The following TEX11 variants were observed in gnomAD, a reference collection of about 807,000 sequenced individuals.
TEX11 encodes testis-expressed protein 11.
TEX11 carries 7 observed loss-of-function variants against 84.4 expected under a neutral mutation model. The observed-to-expected ratio is 0.08, with a 90% confidence interval of 0.05 to 0.16. The LOEUF (loss-of-function observed/expected upper bound fraction) is 0.16, where lower values mean the gene tolerates loss of function less well. Ranked by LOEUF, TEX11 falls within the 10% of genes least tolerant of loss-of-function variation. The pLI is 1.00. For synonymous variants in TEX11, 264 were observed against 222.8 expected, an observed-to-expected ratio of 1.18 and a Z score of -1.64; for missense variants, 551 against 660.5, an observed-to-expected ratio of 0.83 and a Z score of 1.82.
intron 15 of TEX11, among the ~76,000 whole-genome samples, chrX:70,678,079 T>A (rs892617854): frequency 9.0e-6 from 1 of 111,303 alleles, no homozygotes; most frequent in Non-Finnish European, 1.9e-5. Context: ...CCCAAATTGC[T>A]GGGATTACAG....
chrX:70,692,459 C>T (rs1163461817), intron 13 of TEX11, among the ~76,000 whole-genome samples: 1 of 110,771 alleles, frequency 9.0e-6, no homozygotes, highest in Non-Finnish European at 1.9e-5. Context: ...CCCTAGTAAC[C>T]ACCATTCTAT....
At chrX:70,628,233 A>C (rs1432457284) in intron 18 of TEX11, among the ~76,000 whole-genome samples, 1 of 110,076 alleles carries the variant, frequency 9.1e-6, no homozygotes, top group Non-Finnish European at 1.9e-5. Flanking sequence ...TTGTCAAAAA[A>C]AAAAAAAAAG....
At chrX:70,547,494 G>A (rs2088146079) in intron 28 of TEX11, among the ~76,000 whole-genome samples, 1 of 111,070 alleles carries the variant, frequency 9.0e-6, no homozygotes, top group Admixed American at 9.6e-5. Flanking sequence ...CTACAGAATG[G>A]GAGAAAATTT....
Position 70,817,972 on chromosome X carries a change from A to G in TEX11, c.607-11182T>C, listed in dbSNP as rs73546704. Among the ~76,000 whole-genome samples, 575 of 111,082 alleles carry G rather than the reference A, an allele frequency of 5.2e-3. 6 individuals carry two copies. Among genetic ancestry groups the G allele is most frequent in the African/African-American group, 0.018 (557 of 30,531 alleles). On this transcript the variant is annotated intron_variant, in intron 8 of 29. Coordinates refer to ENST00000374333, the MANE Select transcript of TEX11 (RefSeq NM_031276.3). ...GCTCCCAGCCCTAGTGTCTCCACAA[A>G]AGCAATGATTTAACAACTATATACA... is the stretch of plus-strand genomic sequence containing the variant.
intron 28 of TEX11, among the ~76,000 whole-genome samples, chrX:70,539,038 A>ATATATATATTTTTTTT: frequency 4.4e-4 from 18 of 41,245 alleles, no homozygotes; most frequent in South Asian, 2.6e-3. Context: ...ATATATATAT[A>ATATATATATTTTTTTT]TTTTTTTTTT....
chrX:70,531,244 CTGAA>C (rs1264634291), intron 28 of TEX11, among the ~76,000 whole-genome samples: 1 of 111,542 alleles, frequency 9.0e-6, no homozygotes, highest in Non-Finnish European at 1.9e-5. Context: ...CAGATGTTTG[CTGAA>C]TGAATGAATG....
chrX:70,880,040 C>T lies in TEX11; in HGVS notation c.107G>A (p.Ser36Asn), dbSNP rs1380500294. ...CTCCCTGTTGATATTTGCTATGTCG[C>T]TGAAGAGTCTATCAATTGCCTCTGG... is the stretch of plus-strand genomic sequence containing the variant. ...NIPEAIDRLF[S>N]DIANINRESM... The change falls in exon 3 of 30, where the codon AGC becomes AAC. Residue 36 changes from serine (S) to asparagine (N), a missense_variant. Coordinates refer to ENST00000374333, the MANE Select transcript of TEX11 (RefSeq NM_031276.3). The T allele has an allele frequency of 8.5e-7, 1 of 1,183,233 alleles. No individual in the cohort carries two copies.
intron 9 of TEX11, among the ~76,000 whole-genome samples, chrX:70,746,007 A>C (rs903750119): frequency 3.6e-5 from 4 of 111,900 alleles, no homozygotes; most frequent in African/African-American, 1.3e-4. Context: ...ACAACCACTT[A>C]GTCTCTGAAA....
At chrX:70,635,444 C>A (rs1235677111) in intron 17 of TEX11, among the ~76,000 whole-genome samples, 5 of 112,352 alleles carry the variant, frequency 4.5e-5, no homozygotes, top group Admixed American at 3.7e-4. Context: ...ATCACCAGGC[C>A]AACCCCAGCG....
At chrX:70,894,711 A>G (rs1232252787) in intron 2 of TEX11, among the ~76,000 whole-genome samples, 2 of 111,511 alleles carry the variant, frequency 1.8e-5, no homozygotes, top group African/African-American at 6.5e-5. Context: ...CATCCCGGGG[A>G]TGCAAGGCTG....
chrX:70,723,445 G>A (rs574823115), intron 12 of TEX11, among the ~76,000 whole-genome samples: 1 of 111,432 alleles, frequency 9.0e-6, no homozygotes, highest in East Asian at 2.8e-4. Context: ...TGAAAAATTA[G>A]AAAGCAAACT....
chrX:70,677,595 C>A (rs2090083282), intron 15 of TEX11, among the ~76,000 whole-genome samples: 1 of 110,769 alleles, frequency 9.0e-6, no homozygotes, highest in Admixed American at 9.7e-5. Context: ...GTTTATCAAT[C>A]TTTTCTTTTA....
intron 8 of TEX11, among the ~76,000 whole-genome samples, chrX:70,819,544 T>C (rs1273455616): frequency 9.0e-6 from 1 of 110,761 alleles, no homozygotes; most frequent in Non-Finnish European, 1.9e-5. Flanking sequence ...AGCCCATCCC[T>C]CAACACTTCT....
chrX:70,568,295 G>A (rs1394455143), intron 25 of TEX11, among the ~76,000 whole-genome samples: 2 of 110,583 alleles, frequency 1.8e-5, no homozygotes, highest in Non-Finnish European at 3.8e-5. Flanking sequence ...GAGCCTATGT[G>A]TGTCTCTGCA....
intron 7 of TEX11, among the ~76,000 whole-genome samples, chrX:70,839,735 G>T (rs1160621983): frequency 2.7e-5 from 3 of 110,912 alleles, no homozygotes; most frequent in Non-Finnish European, 5.7e-5. Flanking sequence ...GAAGTTAAAA[G>T]CTTTGAAAAA....
chrX:70,556,255 C>T (rs966729307), intron 25 of TEX11, among the ~76,000 whole-genome samples: 10 of 109,869 alleles, frequency 9.1e-5, no homozygotes, highest in African/African-American at 3.3e-4. Flanking sequence ...GCATTTAATG[C>T]TATACACTTT....
intron 25 of TEX11, among the ~76,000 whole-genome samples, chrX:70,585,939 C>G (rs1478396286): frequency 8.9e-6 from 1 of 112,480 alleles, no homozygotes; most frequent in Non-Finnish European, 1.9e-5. Flanking sequence ...GTAATCCCAG[C>G]TACTTGGGAG....
chrX:70,626,564 T>A (rs1013306524), intron 18 of TEX11, among the ~76,000 whole-genome samples: 2 of 111,120 alleles, frequency 1.8e-5, no homozygotes, highest in African/African-American at 3.3e-5. Context: ...CAGTTTAAAT[T>A]CCATGGAGAC....
At chrX:70,711,922 G>C (rs1285947202) in intron 13 of TEX11, among the ~76,000 whole-genome samples, 2 of 111,551 alleles carry the variant, frequency 1.8e-5, no homozygotes, top group African/African-American at 6.5e-5. Context: ...TATGGTTTTA[G>C]GTCTAACATT....
Sources: allele counts gnomAD v4.1 joint callset (sites outside exome capture counted in the v4.1 genomes callset), GRCh38; gene constraint gnomAD v4.1.1; transcripts MANE v1.5; gene names NCBI Gene and HGNC (gene_info 2026-07-23, HGNC 2026-07-21).